Variants in CLVS1 observed in about 807,000 individuals in gnomAD.
CLVS1 encodes clavesin 1, also known as clavesin-1.
A neutral mutation model predicts 33.1 loss-of-function variants in CLVS1; 10 were observed. The observed-to-expected ratio is 0.30, with a 90% CI of 0.19 to 0.51. CLVS1 has a LOEUF of 0.51. Ranked by LOEUF, CLVS1 falls within the 20% of genes least tolerant of loss-of-function variation. The probability of loss-of-function intolerance (pLI) is 0.97; values close to 1 mark genes in which losing one functional copy is unlikely to be tolerated. For synonymous variants in CLVS1, 163 were observed against 166.1 expected (o/e 0.98, Z 0.14); for missense variants, 343 against 433.4 (o/e 0.79, Z 1.85).
chr8:61,296,614 C>CT (rs1810220464), intron 1 of CLVS1, among the ~76,000 whole-genome samples: 1 of 152,164 alleles, frequency 6.6e-6, no homozygotes, highest in Non-Finnish European at 1.5e-5. Context: ...AAAAAAAATA[C>CT]TTTGTAGATG....
At chr8:60,971,127 G>GTGCA in the CLVS1 span, among the ~76,000 whole-genome samples, 1 of 130,184 alleles carries the variant, frequency 7.7e-6, no homozygotes, top group East Asian at 2.5e-4. Context: ...CCATGCTGGA[G>GTGCA]TGCAGGTGGC....
At chr8:60,968,514 C>A in the CLVS1 span, among the ~76,000 whole-genome samples, 781 of 127,808 alleles carry the variant, frequency 6.1e-3, 6 homozygotes, top group African/African-American at 0.017. Context: ...GACTCCGTTT[C>A]AAAAAAAAAA....
intron 2 of CLVS1, among the ~76,000 whole-genome samples, chr8:61,229,975 G>T (rs553368838): frequency 6.6e-6 from 1 of 152,130 alleles, no homozygotes; most frequent in African/African-American, 2.4e-5. Context: ...CTTATTTGAC[G>T]TTCACATCAG....
chr8:61,217,625 C>T (rs1808118219), intron 2 of CLVS1, among the ~76,000 whole-genome samples: 1 of 152,070 alleles, frequency 6.6e-6, no homozygotes, highest in East Asian at 1.9e-4. Context: ...CTCAAAAGCA[C>T]AGGCAACAAA....
chr8:61,451,207 A>G (rs1489272137), intron 3 of CLVS1, among the ~76,000 whole-genome samples: 3 of 152,196 alleles, frequency 2.0e-5, no homozygotes, highest in Non-Finnish European at 2.9e-5. Flanking sequence ...AACATTACAT[A>G]ACCCATCCTG....
At chr8:61,432,128 G>C (rs749659773) in intron 3 of CLVS1, among the ~76,000 whole-genome samples, 3 of 152,166 alleles carry the variant, frequency 2.0e-5, no homozygotes, top group Non-Finnish European at 2.9e-5. Flanking sequence ...CCTTAGAATG[G>C]ATGAAAACAG....
rs1285933632 is a variant in CLVS1 at position 61,305,412 on chromosome 8, G to A, written c.455+5130G>A. Among the ~76,000 whole-genome samples the A allele has an allele frequency of 3.3e-5, 5 of 151,940 alleles. No individual in the cohort carries two copies. The East Asian group carries it at 5.8e-4, about 18-fold the overall frequency. ...TCACATTTTTACCTCCTGCATGTGAGTGAGAACATGAAATATTTGTCTTTC... is the reference window on the plus strand; with the variant it reads ...TCACATTTTTACCTCCTGCATGTGAATGAGAACATGAAATATTTGTCTTTC... On this transcript the variant is annotated intron_variant, in intron 2 of 5. Coordinates refer to ENST00000325897, the MANE Select transcript of CLVS1 (RefSeq NM_173519.3).
At chr8:61,143,572 G>C (rs1468574516) in intron 2 of CLVS1, among the ~76,000 whole-genome samples, 2 of 151,912 alleles carry the variant, frequency 1.3e-5, no homozygotes, top group African/African-American at 2.4e-5. Context: ...CCCATAAAGA[G>C]AGTCTCCCTA....
chr8:61,342,522 A>G (rs190907028), intron 2 of CLVS1, among the ~76,000 whole-genome samples: 74 of 151,996 alleles, frequency 4.9e-4, no homozygotes, highest in Non-Finnish European at 9.9e-4. Flanking sequence ...TTTCTTCTTG[A>G]TCTCCCAGTG....
the CLVS1 span, among the ~76,000 whole-genome samples, chr8:60,997,026 A>T: frequency 6.8e-4 from 72 of 106,016 alleles, 1 homozygote; most frequent in East Asian, 8.9e-4. Context: ...TAATGAAATT[A>T]AAAAAAAAAG....
intron 3 of CLVS1, among the ~76,000 whole-genome samples, chr8:61,409,909 A>G (rs1815150738): frequency 6.6e-6 from 1 of 152,044 alleles, no homozygotes; most frequent in African/African-American, 2.4e-5. Flanking sequence ...GTTTAAGTGG[A>G]ATTTGTAGTT....
chr8:61,027,177 A>G, the CLVS1 span, among the ~76,000 whole-genome samples: 7 of 152,242 alleles, frequency 4.6e-5, no homozygotes, highest in Non-Finnish European at 7.3e-5. Context: ...TGGATCATAT[A>G]CATCATACTG....
At chr8:61,290,581 A>G (rs952675450) in intron 1 of CLVS1, among the ~76,000 whole-genome samples, 1 of 152,200 alleles carries the variant, frequency 6.6e-6, no homozygotes, top group African/African-American at 2.4e-5. Flanking sequence ...GTGTCTGCTC[A>G]CTTCTGAAGG....
At chr8:61,165,578 C>T (rs1482816749) in intron 2 of CLVS1, among the ~76,000 whole-genome samples, 1 of 152,214 alleles carries the variant, frequency 6.6e-6, no homozygotes, top group African/African-American at 2.4e-5. Context: ...GATGCGGTCA[C>T]CTTCCCAACT....
the CLVS1 span, among the ~76,000 whole-genome samples, chr8:61,010,294 G>C: frequency 3.5e-4 from 54 of 152,216 alleles, no homozygotes; most frequent in Admixed American, 3.5e-3. Flanking sequence ...GCATCCTGCA[G>C]AAAGCACTCT....
chr8:61,134,582 T>A (rs1806158711), intron 2 of CLVS1, among the ~76,000 whole-genome samples: 1 of 152,218 alleles, frequency 6.6e-6, no homozygotes. Context: ...TCCATTCTCT[T>A]GCCTTTTTGC....
At chr8:61,169,986 T>C (rs979197156) in intron 2 of CLVS1, among the ~76,000 whole-genome samples, 2 of 152,234 alleles carry the variant, frequency 1.3e-5, no homozygotes, top group Admixed American at 6.5e-5. Context: ...ATTATTGTGG[T>C]ACTTTTATTG....
At chr8:61,057,415 C>T (rs966745971) in intron 1 of CLVS1, among the ~76,000 whole-genome samples, 49 of 147,774 alleles carry the variant, frequency 3.3e-4, no homozygotes, top group African/African-American at 1.2e-3. Flanking sequence ...CACACACACC[C>T]CATCCAAGGA....
intron 3 of CLVS1, among the ~76,000 whole-genome samples, chr8:61,413,166 GC>G (rs1815299385): frequency 6.6e-6 from 1 of 151,994 alleles, no homozygotes; most frequent in Non-Finnish European, 1.5e-5. Context: ...GTGGAGCCCA[GC>G]CCAAGATCTA....
Sources: allele counts gnomAD v4.1 joint callset (sites outside exome capture counted in the v4.1 genomes callset), GRCh38; gene constraint gnomAD v4.1.1; transcripts MANE v1.5; gene names NCBI Gene and HGNC (gene_info 2026-07-23, HGNC 2026-07-21).